OAS2: variants seen among roughly 807,000 people sequenced by gnomAD.
The protein encoded by OAS2 is 2'-5'-oligoadenylate synthetase 2.
A neutral mutation model predicts 71.3 loss-of-function variants in OAS2; 67 were observed. The ratio of observed to expected loss-of-function variants is 0.94; its 90% confidence interval spans 0.77 to 1.15. The LOEUF is 1.15. Among genes scored for constraint, OAS2 ranks in the 50% most tolerant of loss-of-function variants. OAS2 has a pLI of 0.00. For synonymous variants in OAS2, 327 were observed against 321.8 expected (o/e 1.02, Z -0.17); for missense variants, 789 against 822.5 (o/e 0.96, Z 0.50).
rs536104941 is a variant in OAS2 at position 113,010,271 on chromosome 12, T to C, written c.*1016T>C. On this transcript the variant is annotated 3_prime_UTR_variant, in exon 10 of 10. Coordinates refer to ENST00000392583, the MANE Select transcript of OAS2 (RefSeq NM_002535.3). Reference sequence around the variant, plus strand: ...CCAAAAAATTGTCTCTGGCAATAGTTACCTTCCCAGATACAGGTCCCCCCT... The same window carrying C: ...CCAAAAAATTGTCTCTGGCAATAGTCACCTTCCCAGATACAGGTCCCCCCT... 53 of 1,486,030 alleles carry C rather than the reference T, an allele frequency of 3.6e-5. No homozygotes were observed. The South Asian group carries it at 6.7e-4, about 19-fold the overall frequency. 92.1% of individuals were successfully genotyped at this position (1,486,030 alleles called of 1,614,324 possible). A position where few individuals can be genotyped will look rare whatever the true frequency, so the allele number is the denominator to read the frequency against.
At chr12:112,987,750 G>A in intron 2 of OAS2, 1 of 1,003,026 alleles carries the variant, frequency 1.0e-6, no homozygotes, top group Non-Finnish European at 1.2e-6. Context: ...AGACATCTGG[G>A]AAAAGTCCAG....
In OAS2 at chr12:113,010,631, G is replaced by A; in HGVS notation, c.*1376G>A. The A allele has an allele frequency of 8.0e-7, 1 of 1,251,376 alleles. No homozygotes were observed. Among genetic ancestry groups the A allele is most frequent in the Non-Finnish European group, 1.0e-6 (1 of 963,798 alleles). The allele number at this position is 1,251,376 out of a possible 1,614,324, so 77.5% of individuals were successfully genotyped here. A position where few individuals can be genotyped will look rare whatever the true frequency, so the allele number is the denominator to read the frequency against. On this transcript the variant is annotated 3_prime_UTR_variant, in exon 10 of 10. Coordinates refer to ENST00000392583, the MANE Select transcript of OAS2 (RefSeq NM_002535.3). ...TCAAGACTGCAAACCCTTTCATAAA[G>A]TCTTGCCTTGCTGAACTCCCTCTCT...
At chr12:112,985,851 T>A (rs1306157106) in intron 1 of OAS2, among the ~76,000 whole-genome samples, 1 of 152,234 alleles carries the variant, frequency 6.6e-6, no homozygotes, top group Non-Finnish European at 1.5e-5. Context: ...CTCATGCCTA[T>A]AATCCCAGTG....
chr12:112,986,918 T>G (rs2044142506), intron 1 of OAS2, 120 bp from the exon 2 acceptor site: 2 of 1,317,432 alleles, frequency 1.5e-6, no homozygotes, highest in African/African-American at 3.0e-5. Flanking sequence ...AATGGATGCC[T>G]GCCACTCAAT....
At position 113,008,254 on chromosome 12, in the gene OAS2, G is replaced by A. The variant is rs1447093192; in HGVS notation, c.1895+311G>A. On this transcript the variant is annotated intron_variant, in intron 9 of 9. Transcript: ENST00000392583. The stretch of plus-strand genomic sequence containing the variant: ...ATTCACGGGCCGATTTATCCTGCAG[G>A]GTTTTTATTGGGTTAGGGTTTATCT... Among the ~76,000 whole-genome samples the A allele has an allele frequency of 2.0e-5, 3 of 152,122 alleles. No individual in the cohort carries two copies. The East Asian group carries it at 5.8e-4, about 29-fold the overall frequency.
intron 6 of OAS2, among the ~76,000 whole-genome samples, chr12:113,003,981 C>T (rs1330742900): frequency 6.6e-6 from 1 of 152,218 alleles, no homozygotes; most frequent in African/African-American, 2.4e-5. Flanking sequence ...CATGTGCTTT[C>T]TCCTCTCCTT....
Position 112,995,318 on chromosome 12 carries a change from C to A in OAS2, c.471C>A (p.Pro157=). 6.2e-7 allele frequency: 1 copy of A among 1,612,664 alleles called. No individual in the cohort carries two copies. Among genetic ancestry groups the A allele is most frequent in the Non-Finnish European group, 8.5e-7 (1 of 1,179,478 alleles). The change falls in exon 3 of 10, where the codon CCC becomes CCA. Residue 157 remains proline, a synonymous_variant. Transcript: ENST00000392583. Reference sequence around the variant, plus strand: ...CAGGCTTAAATGATAATCCCAGCCCCTGGATCTATCGAGAGCTCAAAAGAT... The same window carrying A: ...CAGGCTTAAATGATAATCCCAGCCCATGGATCTATCGAGAGCTCAAAAGAT... The part of the protein sequence containing the change: ...NALSLNDNPS[P]WIYRELKRSL...
chr12:112,989,121 C>A (rs1252187723), intron 2 of OAS2, among the ~76,000 whole-genome samples: 1 of 152,066 alleles, frequency 6.6e-6, no homozygotes, highest in Non-Finnish European at 1.5e-5. Context: ...TGGGAGGGAC[C>A]CAGTGGGAGG....
chr12:113,008,855 G>C (rs1455801614), intron 9 of OAS2, among the ~76,000 whole-genome samples: 1 of 152,110 alleles, frequency 6.6e-6, no homozygotes, highest in Non-Finnish European at 1.5e-5. Context: ...TCGAACTCCT[G>C]GCCCTCAAGT....
Position 112,999,185 on chromosome 12 carries a change from G to A in OAS2, c.1008+775G>A, listed in dbSNP as rs550053391. Among the ~76,000 whole-genome samples, 5 of 152,300 alleles carry A rather than the reference G, an allele frequency of 3.3e-5. No individual in the cohort carries two copies. In the South Asian group the frequency reaches 6.2e-4, roughly 19 times the overall value. On this transcript the variant is annotated intron_variant, in intron 5 of 9. Transcript: ENST00000392583. ...TGCCGGGGGCAACAGTCAGAAGTGC[G>A]GCCGAAACAAGAGAACCAATTAAGG...
chr12:113,004,791 C>A (rs2044315890), intron 6 of OAS2, 143 bp from the exon 7 acceptor site: 1 of 697,680 alleles, frequency 1.4e-6, no homozygotes, highest in Non-Finnish European at 2.4e-6. Context: ...AAACCCTTTG[C>A]TTTGGACTCA....
intron 2 of OAS2, chr12:112,988,645 T>G (rs2044162887): frequency 1.0e-6 from 1 of 985,334 alleles, no homozygotes; most frequent in African/African-American, 1.7e-5. Context: ...ACCCCCTACC[T>G]TTAGTGAGCA....
intron 5 of OAS2, among the ~76,000 whole-genome samples, chr12:113,000,645 C>T (rs1157977432): frequency 6.6e-6 from 1 of 151,462 alleles, no homozygotes; most frequent in East Asian, 1.9e-4. Flanking sequence ...GTACTCACAC[C>T]ATGCACACAC....
chr12:112,995,587 A>G (rs1479653585), intron 3 of OAS2, 113 bp downstream of exon 3: 3 of 1,022,454 alleles, frequency 2.9e-6, no homozygotes, highest in South Asian at 1.6e-5. Flanking sequence ...ATTTTTTACA[A>G]TCTTACCAGC....
At chr12:112,990,682 G>A (rs1202153982) in intron 2 of OAS2, among the ~76,000 whole-genome samples, 1 of 152,214 alleles carries the variant, frequency 6.6e-6, no homozygotes, top group Non-Finnish European at 1.5e-5. Context: ...ATATTTTGGG[G>A]TAAAATACTT....
chr12:112,999,674 C>T (rs1219407166), intron 5 of OAS2, among the ~76,000 whole-genome samples: 3 of 152,196 alleles, frequency 2.0e-5, no homozygotes, highest in Non-Finnish European at 4.4e-5. Context: ...TTTCACTGGA[C>T]CCCTGGTCTT....
Position 112,987,391 on chromosome 12 carries a change from G to T in OAS2, c.448+83G>T, listed in dbSNP as rs753606879. 5.1e-6 allele frequency: 8 copies of T among 1,558,944 alleles called. No homozygotes were observed. The African/African-American group carries it at 1.1e-4, about 21-fold the overall frequency. ...TGTGCAACCTCTAGGCCATGAGTGG[G>T]ATAGATACCACTGCTGCTTTAAAAA... On this transcript the variant is annotated intron_variant, in intron 2 of 9. Transcript: ENST00000392583.
intron 6 of OAS2, 105 bp downstream of exon 6, chr12:113,003,207 A>C (rs922010362): frequency 4.1e-6 from 5 of 1,234,356 alleles, no homozygotes; most frequent in Non-Finnish European, 5.8e-6. Context: ...ATCTACCTTC[A>C]GAAACTTGAG....
intron 5 of OAS2, among the ~76,000 whole-genome samples, chr12:113,001,803 A>T (rs1593204204): frequency 1.5e-5 from 2 of 135,998 alleles, no homozygotes; most frequent in Middle Eastern, 8.3e-3. Flanking sequence ...AGGTGGGAGG[A>T]TTGCTTAAGA....
Sources: allele counts gnomAD v4.1 joint callset (sites outside exome capture counted in the v4.1 genomes callset), GRCh38; gene constraint gnomAD v4.1.1; transcripts MANE v1.5; gene names NCBI Gene and HGNC (gene_info 2026-07-23, HGNC 2026-07-21).